The following FRMD4A variants were observed in gnomAD, a reference collection of about 807,000 sequenced individuals.
The protein encoded by FRMD4A is FERM domain containing 4A.
Under a neutral mutation model 129.1 loss-of-function variants are expected in FRMD4A, and 29 were observed. That is an observed-to-expected ratio of 0.22 (90% CI 0.17 to 0.31). The LOEUF is 0.31. FRMD4A is among the 10% of genes least tolerant of loss of function. FRMD4A has a pLI of 1.00. For synonymous variants in FRMD4A, 634 were observed against 571.6 expected (o/e 1.11, Z -1.56); for missense variants, 1,272 against 1,375.8 (o/e 0.92, Z 1.19).
intron 2 of FRMD4A, among the ~76,000 whole-genome samples, chr10:14,286,233 C>T (rs567837668): frequency 6.6e-6 from 1 of 152,298 alleles, no homozygotes; most frequent in South Asian, 2.1e-4. Context: ...TTCTCTCATC[C>T]TCTCAACACT....
chr10:14,232,129 G>A (rs1589205202), intron 2 of FRMD4A, among the ~76,000 whole-genome samples: 1 of 152,282 alleles, frequency 6.6e-6, no homozygotes, highest in African/African-American at 2.4e-5. Flanking sequence ...AAGGGGTCCA[G>A]TTTCAATCTT....
chr10:14,219,425 T>C (rs190446602), intron 2 of FRMD4A, among the ~76,000 whole-genome samples: 10 of 152,320 alleles, frequency 6.6e-5, no homozygotes, highest in African/African-American at 2.4e-4. Context: ...ACCTACTTTG[T>C]GCCAGCGCAT....
chr10:14,000,793 A>C (rs549493421), intron 2 of FRMD4A, among the ~76,000 whole-genome samples: 1 of 152,232 alleles, frequency 6.6e-6, no homozygotes, highest in East Asian at 1.9e-4. Context: ...GAAAAGAAGC[A>C]TACAGGAGAA....
chr10:14,299,891 G>C (rs1846129671), intron 2 of FRMD4A, among the ~76,000 whole-genome samples: 2 of 152,164 alleles, frequency 1.3e-5, no homozygotes, highest in South Asian at 2.1e-4. Flanking sequence ...GGAGGGGCTA[G>C]AGCACAGAGT....
At chr10:14,199,418 A>G (rs1842567597) in intron 2 of FRMD4A, among the ~76,000 whole-genome samples, 2 of 151,032 alleles carry the variant, frequency 1.3e-5, no homozygotes, top group African/African-American at 4.9e-5. Context: ...CCCGGGCTCA[A>G]TCTCAACTCA....
Position 14,103,935 on chromosome 10 carries a change from C to T in FRMD4A, c.45+226123G>A, listed in dbSNP as rs1017556112. 5.3e-5 allele frequency among the ~76,000 whole-genome samples: 8 copies of T among 152,280 alleles called. No homozygotes were observed. The South Asian group carries it at 8.3e-4, about 16-fold the overall frequency. The stretch of plus-strand genomic sequence containing the variant: ...AACCCATCCTAAGCTAAAAGAATTA[C>T]GTACCGTCAGCGATTCCTACTAAGC... On this transcript the variant is annotated intron_variant, in intron 2 of 24. Coordinates refer to ENST00000357447, the MANE Select transcript of FRMD4A (RefSeq NM_018027.5).
At chr10:14,069,020 C>T (rs1422469291) in intron 2 of FRMD4A, among the ~76,000 whole-genome samples, 1 of 152,016 alleles carries the variant, frequency 6.6e-6, no homozygotes, top group Non-Finnish European at 1.5e-5. Flanking sequence ...CAGTGGCTCT[C>T]TTGTTTCCAA....
At chr10:14,054,455 G>C (rs866243766) in intron 2 of FRMD4A, among the ~76,000 whole-genome samples, 1 of 152,068 alleles carries the variant, frequency 6.6e-6, no homozygotes, top group South Asian at 2.1e-4. Context: ...TGAGGCCAGT[G>C]GAAAAGTTTT....
chr10:13,805,929 C>G (rs919754931), intron 4 of FRMD4A, among the ~76,000 whole-genome samples: 4 of 151,914 alleles, frequency 2.6e-5, no homozygotes, highest in African/African-American at 9.7e-5. Flanking sequence ...GTGATCTTGG[C>G]TCACTGCAAC....
chr10:13,958,228 A>C (rs900756396), intron 2 of FRMD4A, among the ~76,000 whole-genome samples: 6 of 151,548 alleles, frequency 4.0e-5, no homozygotes, highest in South Asian at 4.2e-4. Flanking sequence ...AACTCATTAA[A>C]GATTGCGTGA....
At chr10:13,917,385 G>T (rs1565034380) in intron 2 of FRMD4A, among the ~76,000 whole-genome samples, 3 of 151,634 alleles carry the variant, frequency 2.0e-5, no homozygotes. Flanking sequence ...CACCTCCTGG[G>T]TTCACGTGAT....
chr10:13,933,859 G>T (rs2095225363), intron 2 of FRMD4A, among the ~76,000 whole-genome samples: 2 of 152,162 alleles, frequency 1.3e-5, no homozygotes, highest in South Asian at 4.1e-4. Flanking sequence ...GGCAGGTGGT[G>T]AAACAGGGGA....
chr10:14,230,324 G>A (rs545299656), intron 2 of FRMD4A, among the ~76,000 whole-genome samples: 4 of 152,282 alleles, frequency 2.6e-5, no homozygotes, highest in African/African-American at 7.2e-5. Flanking sequence ...GTAGACCTGG[G>A]TTTGAGGTTC....
At chr10:14,289,005 T>A (rs531501444) in intron 2 of FRMD4A, among the ~76,000 whole-genome samples, 1 of 152,324 alleles carries the variant, frequency 6.6e-6, no homozygotes, top group East Asian at 1.9e-4. Context: ...ATATACTACA[T>A]TTTCTTCATC....
intron 15 of FRMD4A, among the ~76,000 whole-genome samples, chr10:13,682,744 G>A (rs750977): frequency 2.6e-4 from 40 of 152,076 alleles, no homozygotes; most frequent in Non-Finnish European, 5.0e-4. Context: ...TCCTGACCCT[G>A]TGATCCACCT....
intron 16 of FRMD4A, among the ~76,000 whole-genome samples, chr10:13,672,500 C>T (rs1345540252): frequency 2.0e-5 from 3 of 151,840 alleles, no homozygotes; most frequent in African/African-American, 7.3e-5. Flanking sequence ...ATCTGTAACT[C>T]TAAACTGTTG....
intron 17 of FRMD4A, among the ~76,000 whole-genome samples, chr10:13,667,010 C>T (rs558772658): frequency 6.7e-6 from 1 of 149,724 alleles, no homozygotes; most frequent in East Asian, 2.0e-4. Context: ...TTCCCAGGTT[C>T]AAATGATTCT....
chr10:14,066,318 G>C (rs1368753836), intron 2 of FRMD4A, among the ~76,000 whole-genome samples: 3 of 151,700 alleles, frequency 2.0e-5, no homozygotes, highest in Non-Finnish European at 2.9e-5. Flanking sequence ...TGGGGGGTGT[G>C]GGGGGTGGTC....
chr10:14,131,395 T>TGCC (rs1349525207), intron 2 of FRMD4A, among the ~76,000 whole-genome samples: 11 of 125,826 alleles, frequency 8.7e-5, no homozygotes, highest in Admixed American at 4.5e-4. Flanking sequence ...CAACTCACTG[T>TGCC]GCCCCCCCCG....
Sources: allele counts gnomAD v4.1 joint callset (sites outside exome capture counted in the v4.1 genomes callset), GRCh38; gene constraint gnomAD v4.1.1; transcripts MANE v1.5; gene names NCBI Gene and HGNC (gene_info 2026-07-23, HGNC 2026-07-21).